Variants in PRPF38A observed in about 807,000 individuals in gnomAD.
The protein encoded by PRPF38A is pre-mRNA processing factor 38A, also known as pre-mRNA-splicing factor 38A.
PRPF38A carries 11 observed loss-of-function variants against 46.8 expected under a neutral mutation model. That is an observed-to-expected ratio of 0.24 (90% CI 0.15 to 0.39). The LOEUF (loss-of-function observed/expected upper bound fraction) is 0.39, where lower values mean the gene tolerates loss of function less well. Ranked by LOEUF, PRPF38A falls within the 10% of genes least tolerant of loss-of-function variation. PRPF38A has a pLI of 1.00. For missense variants in PRPF38A, 261 were observed against 407.5 expected (o/e 0.64, Z 3.10); for synonymous variants, 124 against 136.2 (o/e 0.91, Z 0.62).
In PRPF38A at chr1:52,404,661, A is replaced by C. The variant is rs576884562; in HGVS notation, c.-89A>C. On this transcript the variant is annotated 5_prime_UTR_variant, in exon 1 of 10. Coordinates refer to ENST00000257181, the MANE Select transcript of PRPF38A (RefSeq NM_032864.4). The stretch of plus-strand genomic sequence containing the variant: ...TAAGCTGTTTAGTGAAACTTCTTCC[A>C]CCTTTCTCCATTCCTCTAGGTGCTT... 14 of 1,447,546 alleles carry C rather than the reference A, an allele frequency of 9.7e-6. No homozygotes were observed. In the African/African-American group the frequency reaches 1.8e-4, roughly 19 times the overall value. The allele number at this position is 1,447,546 out of a possible 1,614,324, so 89.7% of individuals were successfully genotyped here.
At chr1:52,414,715 T>G (rs981980676) in intron 7 of PRPF38A, 47 bp from the exon 8 acceptor site, 6 of 1,613,412 alleles carry the variant, frequency 3.7e-6, no homozygotes, top group Non-Finnish European at 5.1e-6. Flanking sequence ...TGGTGTTATA[T>G]GTATATTGCT....
rs1018410936 is a variant in PRPF38A, at chr1:52,418,907, C to G, written c.*2217C>G. The G allele has an allele frequency of 1.3e-5, 2 of 152,232 alleles. No individual in the cohort carries two copies. Among genetic ancestry groups the G allele is most frequent in the Non-Finnish European group, 2.9e-5 (2 of 68,044 alleles). The allele number at this position is 152,232 out of a possible 1,614,324, so 9.4% of individuals were successfully genotyped here. ...TATGCAAAGTGAATTCTGGTGTTTC[C>G]TACTTGTTAACAGTTTTTAATATTG... is the stretch of plus-strand genomic sequence containing the variant. On this transcript the variant is annotated 3_prime_UTR_variant, in exon 10 of 10. Transcript: ENST00000257181.
intron 9 of PRPF38A, 24 bp downstream of exon 9, chr1:52,415,410 A>G: frequency 6.3e-7 from 1 of 1,599,716 alleles, no homozygotes; most frequent in South Asian, 1.1e-5. Context: ...CTCTATTTTA[A>G]CTTTACAGAA....
intron 5 of PRPF38A, among the ~76,000 whole-genome samples, chr1:52,413,337 A>C (rs1448075879): frequency 6.6e-6 from 1 of 152,212 alleles, no homozygotes; most frequent in Admixed American, 6.5e-5. Context: ...CCGCATAGTC[A>C]TGTTCTTTCA....
chr1:52,412,453 T>C, intron 4 of PRPF38A, 61 bp from the exon 5 acceptor site: 1 of 1,173,838 alleles, frequency 8.5e-7, no homozygotes, highest in Non-Finnish European at 1.3e-6. Context: ...AGCCCAGTGT[T>C]GAGGTTTCAA....
At chr1:52,405,885 G>A (rs758403636) in intron 2 of PRPF38A, 46 bp downstream of exon 2, 7 of 1,566,870 alleles carry the variant, frequency 4.5e-6, no homozygotes, top group Non-Finnish European at 5.3e-6. Flanking sequence ...TAATTTTGGC[G>A]GTTTAGAATT....
intron 5 of PRPF38A, 102 bp from the exon 6 acceptor site, chr1:52,413,777 A>T: frequency 1.4e-6 from 1 of 734,438 alleles, no homozygotes. Flanking sequence ...AGTCACATGG[A>T]GATGGACTTT....
chr1:52,409,384 G>T (rs1648086416), intron 3 of PRPF38A: 1 of 152,314 alleles, frequency 6.6e-6, no homozygotes, highest in Non-Finnish European at 1.5e-5. Flanking sequence ...GCCAACATGG[G>T]CAGATCACTT....
rs201213110 is a variant in PRPF38A, at chr1:52,414,011, C to T, written c.722+20C>T. On this transcript the variant is annotated intron_variant, in intron 6 of 9. Transcript: ENST00000257181. ...CAGAAGGTAAAGCCTAGTCATTGGC[C>T]TTTTCCCAGAAGATTTTGAGCACTG... The T allele has an allele frequency of 6.5e-7, 1 of 1,528,192 alleles. No homozygotes were observed. Among genetic ancestry groups the T allele is most frequent in the East Asian group, 2.2e-5 (1 of 44,458 alleles). The allele number at this position is 1,528,192 out of a possible 1,614,324, so 94.7% of individuals were successfully genotyped here.
At chr1:52,406,032 A>G (rs1373382593) in intron 2 of PRPF38A, among the ~76,000 whole-genome samples, 193 bp downstream of exon 2, 1 of 152,312 alleles carries the variant, frequency 6.6e-6, no homozygotes, top group Non-Finnish European at 1.5e-5. Context: ...TGTGTTGCCC[A>G]GGCTGGAGTG....
At chr1:52,408,763 C>T (rs1253740721) in intron 3 of PRPF38A, 73 bp downstream of exon 3, 7 of 1,543,918 alleles carry the variant, frequency 4.5e-6, no homozygotes, top group Non-Finnish European at 6.2e-6. Context: ...TCTACCTTTG[C>T]ATTGTCATAG....
In PRPF38A at chr1:52,416,787, A is replaced by AT. The variant is rs1251682452; in HGVS notation, c.*101dup. On this transcript the variant is annotated 3_prime_UTR_variant, in exon 10 of 10. Transcript: ENST00000257181. ...ATCTCCCCCAGGCAGCTATAAGAATATTTTAGTTTTTTTCTTATCAAGTTT... is the reference window on the plus strand; with the variant it reads ...ATCTCCCCCAGGCAGCTATAAGAATATTTTTAGTTTTTTTCTTATCAAGTTT... 1.0e-6 allele frequency: 1 copy of AT among 962,418 alleles called. No individual in the cohort carries two copies. Among genetic ancestry groups the AT allele is most frequent in the East Asian group, 2.5e-5 (1 of 40,534 alleles). The allele number at this position is 962,418 out of a possible 1,614,324, so 59.6% of individuals were successfully genotyped here.
rs759670864 is a variant in PRPF38A at position 52,414,037 on chromosome 1, T to C, written c.722+46T>C. On this transcript the variant is annotated intron_variant, in intron 6 of 9. Transcript: ENST00000257181. ...TTTTCCCAGAAGATTTTGAGCACTG[T>C]AGCCTAGAAGTTTGGATTTTAGAGA... 2.3e-6 allele frequency: 3 copies of C among 1,317,016 alleles called. No homozygotes were observed. In the Admixed American group the frequency reaches 5.4e-5, roughly 24 times the overall value. The allele number at this position is 1,317,016 out of a possible 1,614,324, so 81.6% of individuals were successfully genotyped here.
rs772172651 is a variant in PRPF38A, at chr1:52,404,728, AT to A, written c.-21del. 6.2e-7 allele frequency: 1 copy of A among 1,610,172 alleles called. No homozygotes were observed. The highest frequency in any genetic ancestry group is 2.2e-5 in the East Asian group (1 of 44,862). On this transcript the variant is annotated 5_prime_UTR_variant, in exon 1 of 10. Coordinates refer to ENST00000257181, the MANE Select transcript of PRPF38A (RefSeq NM_032864.4). Reference sequence around the variant, plus strand: ...TGAGGCATTAAAGGATCCGACGGAAATAGAATTGAAGGCATTCTAAAATGGC... The same window carrying A: ...TGAGGCATTAAAGGATCCGACGGAAAAGAATTGAAGGCATTCTAAAATGGC...
intron 4 of PRPF38A, 132 bp from the exon 5 acceptor site, chr1:52,412,382 G>A (rs912551083): frequency 5.6e-5 from 34 of 609,016 alleles, no homozygotes; most frequent in Non-Finnish European, 8.7e-5. Context: ...AAACTTGTTA[G>A]GAAAATCTTG....
intron 6 of PRPF38A, 28 bp from the exon 7 acceptor site, chr1:52,414,593 G>C (rs776963787): frequency 6.2e-7 from 1 of 1,612,374 alleles, no homozygotes; most frequent in Non-Finnish European, 8.5e-7. Flanking sequence ...CGCCAACCTA[G>C]GCTTTCTTCT....
chr1:52,415,832 C>CTT (rs71041898), intron 9 of PRPF38A, among the ~76,000 whole-genome samples: 520 of 51,608 alleles, frequency 0.01, 161 homozygotes, highest in African/African-American at 0.038. Flanking sequence ...TGGGTGCACT[C>CTT]TTTTTTTTTT....
At position 52,405,729 on chromosome 1, in the gene PRPF38A, C is replaced by G; in HGVS notation, c.180C>G (p.Val60=). ...TGGAGTTAAGGTTTGTGGGTGGCGTCTATGGTGGCAACATAAAACCAACAC... is the reference window on the plus strand; with the variant it reads ...TGGAGTTAAGGTTTGTGGGTGGCGTGTATGGTGGCAACATAAAACCAACAC... ...KAMELRFVGG[V]YGGNIKPTPF... The change falls in exon 2 of 10, where the codon GTC becomes GTG. Residue 60 remains valine, a synonymous_variant. Coordinates refer to ENST00000257181, the MANE Select transcript of PRPF38A (RefSeq NM_032864.4). The G allele has an allele frequency of 6.2e-7, 1 of 1,614,008 alleles. No individual in the cohort carries two copies. The highest frequency in any genetic ancestry group is 8.5e-7 in the Non-Finnish European group (1 of 1,180,030).
intron 2 of PRPF38A, among the ~76,000 whole-genome samples, chr1:52,406,235 C>T (rs937000726): frequency 6.7e-6 from 1 of 148,220 alleles, no homozygotes; most frequent in Admixed American, 6.8e-5. Flanking sequence ...GTAATCCCCT[C>T]CCCCCCCGGG....
Sources: gnomAD v4.1 joint callset for allele counts (sites outside exome capture counted in the v4.1 genomes callset) on GRCh38, gnomAD v4.1.1 for gene constraint, MANE v1.5 for transcripts, NCBI Gene and HGNC (gene_info 2026-07-23, HGNC 2026-07-21) for gene names.